The following FAAH2 variants were observed in gnomAD, a reference collection of about 807,000 sequenced individuals.
FAAH2 encodes the protein fatty acid amide hydrolase 2, also known as fatty-acid amide hydrolase 2.
A neutral mutation model predicts 36.9 loss-of-function variants in FAAH2; 60 were observed. The ratio of observed to expected loss-of-function variants is 1.63; its 90% CI spans 1.32 to 2.02. The LOEUF (loss-of-function observed/expected upper bound fraction) is 2.02, where lower values mean the gene tolerates loss of function less well. Ranked by LOEUF, FAAH2 falls within the 30% of genes most tolerant of loss-of-function variation. FAAH2 has a pLI of 0.00. For missense variants in FAAH2, 689 were observed against 397.5 expected (o/e 1.73, Z -6.23); for synonymous variants, 214 against 143.8 (o/e 1.49, Z -3.49).
chrX:57,365,875 C>T (rs1332774515), intron 5 of FAAH2, among the ~76,000 whole-genome samples: 3 of 112,045 alleles, frequency 2.7e-5, no homozygotes, highest in Non-Finnish European at 5.6e-5. Flanking sequence ...TCTGAATTTC[C>T]TGCAGTGAAT....
At chrX:57,219,863 C>CTTTTTTT in the FAAH2 span, among the ~76,000 whole-genome samples, 155 of 35,626 alleles carry the variant, frequency 4.4e-3, 7 homozygotes, top group African/African-American at 0.013. Context: ...AGCGCCTTGT[C>CTTTTTTT]TTTTTTTTTT....
intron 7 of FAAH2, among the ~76,000 whole-genome samples, chrX:57,427,029 G>C (rs2056179349): frequency 9.0e-6 from 1 of 110,915 alleles, no homozygotes; most frequent in Non-Finnish European, 1.9e-5. Flanking sequence ...AGATGATTCA[G>C]ATAAACACAA....
Position 57,399,135 on chromosome X carries a change from T to C in FAAH2, c.996+18106T>C, listed in dbSNP as rs185035920. Among the ~76,000 whole-genome samples the C allele has an allele frequency of 1.4e-3, 161 of 111,551 alleles. 2 individuals carry two copies. The Middle Eastern group carries it at 0.046, about 32-fold the overall frequency. ...ATGATTTGTAGTTTTACAGCTTCGA[T>C]TCTGGAAGAGACAAACTTAACAAGG... On this transcript the variant is annotated intron_variant, in intron 7 of 10. Transcript: ENST00000374900.
chrX:57,458,260 C>G (rs754703693), intron 10 of FAAH2, among the ~76,000 whole-genome samples: 2 of 112,148 alleles, frequency 1.8e-5, no homozygotes, highest in South Asian at 7.5e-4. Context: ...AAGAATGAAA[C>G]TGGATCTCTA....
chrX:57,418,677 C>T (rs1242957149), intron 7 of FAAH2, among the ~76,000 whole-genome samples: 3 of 103,716 alleles, frequency 2.9e-5, no homozygotes, highest in Non-Finnish European at 5.9e-5. Context: ...TCCTATTTGA[C>T]CATCTTGCCT....
At chrX:57,448,363 T>A (rs2056722160) in intron 9 of FAAH2, among the ~76,000 whole-genome samples, 161 bp from the exon 10 acceptor site, 1 of 112,440 alleles carries the variant, frequency 8.9e-6, no homozygotes, top group South Asian at 3.7e-4. Flanking sequence ...TAAAACAAAC[T>A]AGAAGGAGTT....
chrX:57,447,292 C>T lies in FAAH2; in HGVS notation c.1228+253C>T, dbSNP rs774531790. Among the ~76,000 whole-genome samples, 5 of 111,327 alleles carry T rather than the reference C, an allele frequency of 4.5e-5. No homozygotes were observed. In the Admixed American group the frequency reaches 4.8e-4, roughly 11 times the overall value. ...CAGGGTATAGCCTCCCTCCAAGTTG[C>T]TTTCATGTGTTGGCATTGAGTGTCT... On this transcript the variant is annotated intron_variant, in intron 9 of 10. Coordinates refer to ENST00000374900, the MANE Select transcript of FAAH2 (RefSeq NM_174912.4).
intron 2 of FAAH2, among the ~76,000 whole-genome samples, chrX:57,295,614 A>G (rs1194160187): frequency 2.7e-5 from 3 of 111,976 alleles, no homozygotes; most frequent in Non-Finnish European, 3.8e-5. Context: ...TGGGTGCAGG[A>G]CAGTGGGTGC....
chrX:57,199,263 T>C, the FAAH2 span, among the ~76,000 whole-genome samples: 1 of 111,698 alleles, frequency 9.0e-6, no homozygotes, highest in Admixed American at 9.5e-5. Flanking sequence ...CTGTATCCCA[T>C]AGGTCTTGGT....
the FAAH2 span, among the ~76,000 whole-genome samples, chrX:57,279,103 G>A: frequency 5.4e-5 from 6 of 112,105 alleles, no homozygotes; most frequent in Admixed American, 9.4e-5. Flanking sequence ...CCATTACTGG[G>A]TATATACCCA....
At chrX:57,319,928 C>T (rs2052966416) in intron 3 of FAAH2, among the ~76,000 whole-genome samples, 1 of 111,513 alleles carries the variant, frequency 9.0e-6, no homozygotes. Flanking sequence ...GGAAAGGATT[C>T]CCTATTTAAT....
At chrX:57,301,890 A>T (rs2052382885) in intron 2 of FAAH2, among the ~76,000 whole-genome samples, 1 of 111,693 alleles carries the variant, frequency 9.0e-6, no homozygotes, top group Non-Finnish European at 1.9e-5. Context: ...ATTAATATAC[A>T]TGTGTTTAGA....
At chrX:57,411,988 A>G (rs1461427344) in intron 7 of FAAH2, among the ~76,000 whole-genome samples, 1 of 112,159 alleles carries the variant, frequency 8.9e-6, no homozygotes, top group Non-Finnish European at 1.9e-5. Context: ...ACAGATACAT[A>G]CTAGTTGTAC....
At chrX:57,375,990 A>G (rs187733134) in intron 5 of FAAH2, among the ~76,000 whole-genome samples, 37 of 111,499 alleles carry the variant, frequency 3.3e-4, no homozygotes, top group Admixed American at 3.2e-3. Context: ...TAAAGATTAT[A>G]CTTTCCCCAC....
intron 7 of FAAH2, among the ~76,000 whole-genome samples, chrX:57,383,005 T>G (rs1256949703): frequency 3.6e-5 from 4 of 111,367 alleles, no homozygotes; most frequent in Admixed American, 9.6e-5. Flanking sequence ...ATCCCTGGGA[T>G]GCAAGGCTGG....
chrX:57,343,150 A>T (rs1221872253), intron 5 of FAAH2, among the ~76,000 whole-genome samples: 1 of 111,704 alleles, frequency 9.0e-6, no homozygotes, highest in Non-Finnish European at 1.9e-5. Flanking sequence ...TGGTAATGGG[A>T]TCACTGGGTT....
intron 7 of FAAH2, among the ~76,000 whole-genome samples, chrX:57,410,751 T>C (rs1368968601): frequency 1.8e-5 from 2 of 111,893 alleles, no homozygotes; most frequent in Non-Finnish European, 3.8e-5. Flanking sequence ...TCTGCACCTC[T>C]AGAATTTCTT....
At chrX:57,448,048 G>A (rs750175117) in intron 9 of FAAH2, among the ~76,000 whole-genome samples, 3 of 111,653 alleles carry the variant, frequency 2.7e-5, no homozygotes, top group Non-Finnish European at 5.6e-5. Context: ...GGAGTGCAGT[G>A]ATGCAATCAT....
chrX:57,398,131 C>G (rs2055348822), intron 7 of FAAH2, among the ~76,000 whole-genome samples: 1 of 111,578 alleles, frequency 9.0e-6, no homozygotes. Context: ...ACCATTTGAC[C>G]CAGCCGTCCC....
Sources: allele counts gnomAD v4.1 joint callset (sites outside exome capture counted in the v4.1 genomes callset), GRCh38; gene constraint gnomAD v4.1.1; transcripts MANE v1.5; gene names NCBI Gene and HGNC (gene_info 2026-07-23, HGNC 2026-07-21).